The following PRDM1 variants were observed in gnomAD, a reference collection of about 807,000 sequenced individuals.
PRDM1 encodes PR domain zinc finger protein 1.
Under a neutral mutation model 62.8 loss-of-function variants are expected in PRDM1, and 13 were observed. The ratio of observed to expected loss-of-function variants is 0.21; its 90% confidence interval spans 0.13 to 0.33. The LOEUF (loss-of-function observed/expected upper bound fraction) is 0.33, where lower values mean the gene tolerates loss of function less well. Ranked by LOEUF, PRDM1 falls within the 10% of genes least tolerant of loss-of-function variation. The pLI is 1.00. For missense variants in PRDM1, 895 were observed against 1,058.8 expected (o/e 0.85, Z 2.15); for synonymous variants, 396 against 417.6 (o/e 0.95, Z 0.63).
chr6:106,068,266 AT>A (rs1359500550), intron 1 of PRDM1, among the ~76,000 whole-genome samples: 1 of 151,946 alleles, frequency 6.6e-6, no homozygotes, highest in Non-Finnish European at 1.5e-5. Context: ...CAATTTTTGT[AT>A]TTTTAGTAGA....
intron 1 of PRDM1, among the ~76,000 whole-genome samples, chr6:106,000,562 A>G (rs1296952201): frequency 7.0e-6 from 1 of 142,950 alleles, no homozygotes; most frequent in Non-Finnish European, 1.5e-5. Flanking sequence ...CACCAAGGTT[A>G]TTTCCATGTA....
Position 105,994,445 on chromosome 6 carries a change from G to T in PRDM1, c.-67+806G>T, listed in dbSNP as rs532158483. Among the ~76,000 whole-genome samples, 1 of 152,062 alleles carries T rather than the reference G, an allele frequency of 6.6e-6. No homozygotes were observed. Among genetic ancestry groups the T allele is most frequent in the Non-Finnish European group, 1.5e-5 (1 of 68,004 alleles). On this transcript the variant is annotated intron_variant, in intron 1 of 6. Transcript: ENST00000652320. This position sits in a 1 kb window ranked among gnomAD's most constrained non-coding sequence, Gnocchi z 4.1. ...AAGACGAGCGGGGACGCGTGACAGCGCGGGGATAGCTTTTCTATTACGTTT... is the reference window on the plus strand; with the variant it reads ...AAGACGAGCGGGGACGCGTGACAGCTCGGGGATAGCTTTTCTATTACGTTT...
At chr6:106,075,137 CAACTT>C (rs1773585953) in intron 1 of PRDM1, among the ~76,000 whole-genome samples, 1 of 152,086 alleles carries the variant, frequency 6.6e-6, no homozygotes, top group Non-Finnish European at 1.5e-5. Context: ...TATCATAACA[CAACTT>C]GATTTGTGTT....
chr6:106,105,342 C>T lies in PRDM1; in HGVS notation c.1182C>T (p.Pro394=), dbSNP rs527247983. The stretch of plus-strand genomic sequence containing the variant: ...TGGGCTCCTACCCTGGCTACGCACC[C>T]CTGCCCCACCTCCCGCCAGCTTTCA... ...EGLGSYPGYA[P]LPHLPPAFIP... is the part of the protein sequence containing the mutation. Residue 394 remains proline (P), a synonymous_variant, in exon 5 of 7, where the codon CCC becomes CCT. Transcript: ENST00000369096. 1 of 1,613,412 alleles carries T rather than the reference C, an allele frequency of 6.2e-7. No homozygotes were observed. The highest frequency in any genetic ancestry group is 1.3e-5 in the African/African-American group (1 of 75,040).
chr6:105,992,706 T>C (rs931790564), upstream of PRDM1, among the ~76,000 whole-genome samples: 3 of 152,228 alleles, frequency 2.0e-5, no homozygotes, highest in Non-Finnish European at 4.4e-5. Flanking sequence ...TATTTTGGGC[T>C]GTTACCACCT....
chr6:106,104,632 G>A (rs1034685426), intron 4 of PRDM1, among the ~76,000 whole-genome samples, 193 bp from the exon 5 acceptor site: 3 of 152,228 alleles, frequency 2.0e-5, no homozygotes, highest in Non-Finnish European at 2.9e-5. Flanking sequence ...ATTTTGCTGA[G>A]GAGGAAACGG....
chr6:106,104,205 G>GTTTTTTTTTTTTTTTTT (rs11317538), intron 4 of PRDM1, among the ~76,000 whole-genome samples: 1 of 141,844 alleles, frequency 7.1e-6, no homozygotes. Flanking sequence ...TAAAATGGAA[G>GTTTTTTTTTTTTTTTTT]TTTTTTTTTT....
Position 106,107,578 on chromosome 6 carries a change from G to A in PRDM1, c.*92G>A. 1 of 1,162,392 alleles carries A rather than the reference G, an allele frequency of 8.6e-7. No homozygotes were observed. Among genetic ancestry groups the A allele is most frequent in the South Asian group, 1.6e-5 (1 of 61,418 alleles). The allele number at this position is 1,162,392 out of a possible 1,614,324, so 72.0% of individuals were successfully genotyped here. ...GTGGCTTGTACATAATCCCAGCTCT[G>A]CAAAGCTCTCTCGACAGCAAATGGT... On this transcript the variant is annotated 3_prime_UTR_variant, in exon 7 of 7. Transcript: ENST00000369096.
At chr6:106,074,669 G>A (rs1293034270) in intron 1 of PRDM1, among the ~76,000 whole-genome samples, 11 of 152,090 alleles carry the variant, frequency 7.2e-5, no homozygotes, top group Admixed American at 2.6e-4. Context: ...GTTGGGGGAC[G>A]AGGGGGGATA....
chr6:106,048,523 G>A (rs535676984), upstream of PRDM1, among the ~76,000 whole-genome samples: 15 of 152,248 alleles, frequency 9.9e-5, no homozygotes, highest in South Asian at 1.9e-3. Flanking sequence ...TGATCAGACC[G>A]CTGAGCCTAT....
At chr6:106,063,790 G>C (rs751542561) in intron 1 of PRDM1, among the ~76,000 whole-genome samples, 3 of 152,082 alleles carry the variant, frequency 2.0e-5, no homozygotes, top group Non-Finnish European at 4.4e-5. Context: ...TGTTATTTTG[G>C]TTAATTTCCC....
At position 106,088,442 on chromosome 6, in the gene PRDM1, G is replaced by A. The variant is rs2114618390; in HGVS notation, c.284G>A (p.Ser95Asn). ...RNLLFKYATNSEEVIGVMSKE... is the reference protein window; with the variant it reads ...RNLLFKYATNNEEVIGVMSKE... ...CTGCTTTTCAAGTATGCCACCAACA[G>A]TGAAGAGGTAAGCCTCTGGTTTATT... Residue 95 changes from serine to asparagine, a missense_variant, in exon 2 of 7, where the codon AGT becomes AAT. Transcript: ENST00000369096. 1 of 1,614,218 alleles carries A rather than the reference G, an allele frequency of 6.2e-7. No individual in the cohort carries two copies. The highest frequency in any genetic ancestry group is 2.2e-5 in the East Asian group (1 of 44,894).
At chr6:106,079,043 C>A (rs1024157794) in intron 1 of PRDM1, among the ~76,000 whole-genome samples, 1 of 151,872 alleles carries the variant, frequency 6.6e-6, no homozygotes, top group Non-Finnish European at 1.5e-5. Context: ...TTACTGCAAC[C>A]TCTGCCTCTC....
intron 1 of PRDM1, among the ~76,000 whole-genome samples, chr6:106,080,562 T>C (rs1773678955): frequency 6.6e-6 from 1 of 152,204 alleles, no homozygotes; most frequent in African/African-American, 2.4e-5. Flanking sequence ...TTAGCTTGCT[T>C]CATCCCTGAA....
At chr6:106,041,132 G>A (rs1421485910) in intron 1 of PRDM1, among the ~76,000 whole-genome samples, 4 of 152,196 alleles carry the variant, frequency 2.6e-5, no homozygotes, top group African/African-American at 9.7e-5. Context: ...TGTTTCTTGT[G>A]TTCAATTCTG....
At chr6:106,079,024 G>T (rs572850687) in intron 1 of PRDM1, among the ~76,000 whole-genome samples, 1 of 151,682 alleles carries the variant, frequency 6.6e-6, no homozygotes, top group Non-Finnish European at 1.5e-5. Flanking sequence ...GCAGTGGCGC[G>T]ATCTCAGCTT....
chr6:106,039,575 C>T (rs1772964823), intron 1 of PRDM1, among the ~76,000 whole-genome samples: 1 of 152,160 alleles, frequency 6.6e-6, no homozygotes, highest in Non-Finnish European at 1.5e-5. Flanking sequence ...TTTCAGGAAA[C>T]AACCACAGCT....
intron 1 of PRDM1, among the ~76,000 whole-genome samples, chr6:106,070,571 G>A (rs553838522): frequency 5.6e-5 from 8 of 143,810 alleles, no homozygotes; most frequent in African/African-American, 2.0e-4. Flanking sequence ...ATTTCTATAA[G>A]TATAATCATT....
chr6:106,055,314 CAA>C (rs1419880500), intron 1 of PRDM1, among the ~76,000 whole-genome samples: 4 of 152,088 alleles, frequency 2.6e-5, no homozygotes, highest in Admixed American at 6.5e-5. Context: ...TTTATGTGAA[CAA>C]AATCTGATCA....
Sources: gnomAD v4.1 joint callset for allele counts (sites outside exome capture counted in the v4.1 genomes callset) on GRCh38, gnomAD v4.1.1 for gene constraint, Gnocchi (gnomAD v3.1) non-coding constraint, MANE v1.5 for transcripts, NCBI Gene and HGNC (gene_info 2026-07-23, HGNC 2026-07-21) for gene names.